ZNF608: variants seen among roughly 807,000 people sequenced by gnomAD.
ZNF608 encodes the protein renal carcinoma antigen NY-REN-36.
In ZNF608, 12 loss-of-function variants were observed where a neutral mutation model predicts 109.0. That is an observed-to-expected ratio of 0.11 (90% confidence interval 0.07 to 0.18). The LOEUF (loss-of-function observed/expected upper bound fraction) is 0.18. Among genes scored for constraint, ZNF608 ranks in the 10% least tolerant of loss-of-function variants. The probability of loss-of-function intolerance (pLI) is 1.00; values close to 1 mark genes in which losing one functional copy is unlikely to be tolerated. For missense variants in ZNF608, 1,707 were observed against 1,879.3 expected (o/e 0.91, Z 1.70); for synonymous variants, 732 against 717.4 (o/e 1.02, Z -0.33).
At chr5:124,723,232 T>C (rs1754006659) in intron 2 of ZNF608, among the ~76,000 whole-genome samples, 2 of 152,096 alleles carry the variant, frequency 1.3e-5, no homozygotes, top group Admixed American at 1.3e-4. Flanking sequence ...TGGTTTTGCA[T>C]TCCTGGTCTC....
chr5:124,717,241 G>A (rs547751272), intron 2 of ZNF608, among the ~76,000 whole-genome samples: 5 of 152,130 alleles, frequency 3.3e-5, no homozygotes, highest in Non-Finnish European at 5.9e-5. Flanking sequence ...CTAGGTGGGC[G>A]AATCACCTGA....
At chr5:124,687,140 C>T (rs13164351) in intron 3 of ZNF608, among the ~76,000 whole-genome samples, 23,015 of 152,144 alleles carry the variant, frequency 0.15, 1,772 homozygotes, top group East Asian at 0.2. Flanking sequence ...TAAACAGACT[C>T]AAAACTAGGA....
intron 6 of ZNF608, among the ~76,000 whole-genome samples, chr5:124,644,011 A>G (rs1035280726): frequency 2.6e-5 from 4 of 152,254 alleles, no homozygotes; most frequent in Non-Finnish European, 4.4e-5. Context: ...AGTATCTGTC[A>G]GCCTAACAGC....
intron 2 of ZNF608, among the ~76,000 whole-genome samples, chr5:124,736,712 G>A (rs1306500487): frequency 1.3e-5 from 2 of 152,184 alleles, no homozygotes; most frequent in African/African-American, 4.8e-5. Flanking sequence ...CGGCCAGAGG[G>A]CCAGATGTGC....
At chr5:124,649,264 A>T (rs1028537813) in intron 4 of ZNF608, 131 bp from the exon 5 acceptor site, 1 of 731,868 alleles carries the variant, frequency 1.4e-6, no homozygotes, top group East Asian at 2.9e-5. Flanking sequence ...CAAGGAAAAG[A>T]CTGACAATTT....
At chr5:124,711,589 TAGATGGG>T (rs1753490893) in intron 2 of ZNF608, among the ~76,000 whole-genome samples, 1 of 152,202 alleles carries the variant, frequency 6.6e-6, no homozygotes, top group African/African-American at 2.4e-5. Flanking sequence ...CCCTCCCCTT[TAGATGGG>T]TTGCCGTTTA....
chr5:124,664,976 C>G (rs1751416294), intron 3 of ZNF608, among the ~76,000 whole-genome samples: 1 of 152,052 alleles, frequency 6.6e-6, no homozygotes, highest in South Asian at 2.1e-4. Context: ...GAGTTTGAGA[C>G]CAGCCTGGTC....
intron 3 of ZNF608, among the ~76,000 whole-genome samples, chr5:124,649,916 G>A (rs547594295): frequency 2.0e-4 from 31 of 152,334 alleles, no homozygotes; most frequent in African/African-American, 7.0e-4. Context: ...GTGCGCATGT[G>A]GTACAAAGGA....
At chr5:124,687,398 A>C (rs1752448443) in intron 3 of ZNF608, among the ~76,000 whole-genome samples, 1 of 152,242 alleles carries the variant, frequency 6.6e-6, no homozygotes, top group African/African-American at 2.4e-5. Context: ...AAACAGCCAC[A>C]TTTCTGACAC....
intron 2 of ZNF608, chr5:124,710,266 C>T (rs559339722): frequency 1.9e-4 from 85 of 451,426 alleles, no homozygotes; most frequent in Middle Eastern, 1.6e-3. Flanking sequence ...CACCGTATTC[C>T]GATTTCTCTC....
Position 124,649,750 on chromosome 5 carries a change from T to G in ZNF608, c.1163-53A>C, listed in dbSNP as rs75922295. 5.3e-6 allele frequency: 6 copies of G among 1,139,604 alleles called. No homozygotes were observed. In the East Asian group the frequency reaches 1.6e-4, roughly 30 times the overall value. 70.6% of individuals were successfully genotyped at this position (1,139,604 alleles called of 1,614,324 possible). ...TCATAGTTACCACTGATTACTGTTA[T>G]TTCCAGTTCACTTATTATTTTTTTC... On this transcript the variant is annotated intron_variant, in intron 3 of 9. Coordinates refer to ENST00000513986, the MANE Select transcript of ZNF608 (RefSeq NM_020747.3).
At chr5:124,743,787 T>C (rs1230810385) in intron 2 of ZNF608, among the ~76,000 whole-genome samples, 1 of 152,090 alleles carries the variant, frequency 6.6e-6, no homozygotes, top group Non-Finnish European at 1.5e-5. Context: ...GAGGAACCGA[T>C]CTACAGGGCA....
At position 124,647,989 on chromosome 5, in the gene ZNF608, T is replaced by C. The variant is rs188330420; in HGVS notation, c.2395A>G (p.Ile799Val). The C allele has an allele frequency of 3.0e-5, 49 of 1,614,264 alleles. No homozygotes were observed. The African/African-American group carries it at 5.5e-4, about 18-fold the overall frequency. Reference sequence around the variant, plus strand: ...GACACCAGAGCTGGGTTCACGGTGATGGGCTCTCCCATAATTGTGGGCTTT... The same window carrying C: ...GACACCAGAGCTGGGTTCACGGTGACGGGCTCTCCCATAATTGTGGGCTTT... ...QPKPTIMGEPITVNPALVSLK... is the reference protein window; with the variant it reads ...QPKPTIMGEPVTVNPALVSLK... Residue 799 changes from isoleucine (I) to valine (V), a missense_variant, in exon 5 of 10, where the codon ATC becomes GTC. Around this residue, in one of 7 missense-constraint regions of ZNF608, gnomAD observed 1,073 missense variants for 1,133.5 expected, o/e 0.95. Transcript: ENST00000513986.
intron 2 of ZNF608, among the ~76,000 whole-genome samples, chr5:124,715,607 G>T (rs1753658290): frequency 6.6e-6 from 1 of 152,046 alleles, no homozygotes; most frequent in Non-Finnish European, 1.5e-5. Flanking sequence ...ATTAAAAAAT[G>T]CATGCTTATT....
chr5:124,694,597 G>C (rs1385340224), intron 3 of ZNF608, among the ~76,000 whole-genome samples: 1 of 151,870 alleles, frequency 6.6e-6, no homozygotes, highest in Non-Finnish European at 1.5e-5. Flanking sequence ...TATACTTTAA[G>C]TTCTAGGGTA....
At chr5:124,663,492 G>C (rs1751362195) in intron 3 of ZNF608, among the ~76,000 whole-genome samples, 1 of 152,218 alleles carries the variant, frequency 6.6e-6, no homozygotes, top group Non-Finnish European at 1.5e-5. Context: ...CTTCAAGTGA[G>C]AAAGCACATG....
intron 2 of ZNF608, among the ~76,000 whole-genome samples, chr5:124,725,038 A>C (rs1271347536): frequency 6.6e-6 from 1 of 151,896 alleles, no homozygotes; most frequent in African/African-American, 2.4e-5. Flanking sequence ...TCCCTCATCC[A>C]GCTTCAGTCA....
intron 2 of ZNF608, among the ~76,000 whole-genome samples, chr5:124,707,352 G>C (rs1753305332): frequency 6.6e-6 from 1 of 152,208 alleles, no homozygotes; most frequent in Non-Finnish European, 1.5e-5. Context: ...AAGGCAGAGA[G>C]ATTCCCTCCT....
At chr5:124,738,060 C>T (rs1386540367) in intron 2 of ZNF608, among the ~76,000 whole-genome samples, 1 of 152,114 alleles carries the variant, frequency 6.6e-6, no homozygotes, top group Non-Finnish European at 1.5e-5. Context: ...CTAAATACTC[C>T]CAATCCAACA....
Sources: gnomAD v4.1 joint callset for allele counts (sites outside exome capture counted in the v4.1 genomes callset) on GRCh38, gnomAD v4.1.1 for gene constraint, gnomAD v4.1.1 regional missense constraint, MANE v1.5 for transcripts, NCBI Gene and HGNC (gene_info 2026-07-23, HGNC 2026-07-21) for gene names.